The following CDH13 variants were observed in gnomAD, a reference collection of about 807,000 sequenced individuals.
CDH13 encodes cadherin 13, also known as cadherin-13.
Under a neutral mutation model 63.8 loss-of-function variants are expected in CDH13, and 24 were observed. That is an observed-to-expected ratio of 0.38 (90% CI 0.27 to 0.53). The LOEUF (loss-of-function observed/expected upper bound fraction) is 0.53, where lower values mean the gene tolerates loss of function less well. Ranked by LOEUF, CDH13 falls within the 20% of genes least tolerant of loss-of-function variation. The pLI is 0.85. For synonymous variants in CDH13, 503 were observed against 355.3 expected (o/e 1.42, Z -4.67); for missense variants, 1,049 against 903.1 (o/e 1.16, Z -2.07).
At chr16:83,238,868 GTCT>G (rs1244954466) in intron 5 of CDH13, among the ~76,000 whole-genome samples, 1 of 152,186 alleles carries the variant, frequency 6.6e-6, no homozygotes, top group Non-Finnish European at 1.5e-5. Flanking sequence ...GGGCAAGACA[GTCT>G]TCTTCTGTCC....
rs375833426 is a variant in CDH13 at position 83,056,785 on chromosome 16, C to T, written c.366+24567C>T. Among the ~76,000 whole-genome samples, 56 of 151,546 alleles carry T rather than the reference C, an allele frequency of 3.7e-4. No homozygotes were observed. In the East Asian group the frequency reaches 8.2e-3, roughly 22 times the overall value. ...GGGTGGGTTTTTCCCATGCTGTTCTCGTGATAGTGAATAAGTCTCACGAGA... is the reference window on the plus strand; with the variant it reads ...GGGTGGGTTTTTCCCATGCTGTTCTTGTGATAGTGAATAAGTCTCACGAGA... On this transcript the variant is annotated intron_variant, in intron 3 of 13. Coordinates refer to ENST00000567109, the MANE Select transcript of CDH13 (RefSeq NM_001257.5).
chr16:82,916,468 G>C (rs1273329119), intron 2 of CDH13, among the ~76,000 whole-genome samples: 2 of 152,076 alleles, frequency 1.3e-5, no homozygotes, highest in African/African-American at 4.8e-5. Flanking sequence ...TAGCTAGTTG[G>C]GAGGCTGAGG....
intron 6 of CDH13, among the ~76,000 whole-genome samples, chr16:83,386,614 T>A (rs1469303928): frequency 6.6e-6 from 1 of 152,354 alleles, no homozygotes; most frequent in East Asian, 1.9e-4. Context: ...TGAAATGTGC[T>A]ACCCTTGCTA....
intron 3 of CDH13, among the ~76,000 whole-genome samples, chr16:83,050,695 C>G (rs1337588046): frequency 6.6e-6 from 1 of 152,086 alleles, no homozygotes; most frequent in Non-Finnish European, 1.5e-5. Flanking sequence ...ATCGTGTCTA[C>G]AGCGCATCTC....
At chr16:83,448,879 T>A (rs749697348) in intron 6 of CDH13, among the ~76,000 whole-genome samples, 5 of 152,138 alleles carry the variant, frequency 3.3e-5, no homozygotes, top group Non-Finnish European at 5.9e-5. Context: ...CAGGACTTGA[T>A]GATTTGGAGG....
intron 1 of CDH13, among the ~76,000 whole-genome samples, chr16:82,655,923 T>C (rs948091955): frequency 1.3e-5 from 2 of 152,174 alleles, no homozygotes; most frequent in African/African-American, 4.8e-5. Context: ...GCACCTGCTA[T>C]GTGCCAGGAT....
At chr16:82,802,042 A>C (rs944291759) in intron 1 of CDH13, among the ~76,000 whole-genome samples, 3 of 152,162 alleles carry the variant, frequency 2.0e-5, no homozygotes, top group Non-Finnish European at 4.4e-5. Flanking sequence ...GATCTCTGGA[A>C]GACTACATAT....
At chr16:83,500,897 A>G (rs2046625518) in intron 7 of CDH13, among the ~76,000 whole-genome samples, 1 of 152,002 alleles carries the variant, frequency 6.6e-6, no homozygotes, top group Non-Finnish European at 1.5e-5. Context: ...TGGTTTCTAT[A>G]TGAGCCAGTT....
chr16:83,284,361 T>C (rs2089257415), intron 5 of CDH13, among the ~76,000 whole-genome samples: 2 of 152,280 alleles, frequency 1.3e-5, no homozygotes, highest in East Asian at 1.9e-4. Flanking sequence ...AAAATCCTTA[T>C]CTGAAAAATG....
At chr16:83,224,357 G>A (rs1013866449) in intron 5 of CDH13, among the ~76,000 whole-genome samples, 24 of 152,194 alleles carry the variant, frequency 1.6e-4, no homozygotes, top group Admixed American at 1.3e-4. Context: ...CTTTTCCTCT[G>A]TGTAGATACT....
intron 7 of CDH13, among the ~76,000 whole-genome samples, chr16:83,500,456 G>C (rs188922446): frequency 2.8e-4 from 2 of 7,240 alleles, no homozygotes; most frequent in African/African-American, 7.8e-4. Flanking sequence ...CCCCTCCTCC[G>C]CCTCCTCCTC....
chr16:83,211,272 A>G (rs2039330643), intron 4 of CDH13, among the ~76,000 whole-genome samples: 1 of 152,198 alleles, frequency 6.6e-6, no homozygotes, highest in Admixed American at 6.5e-5. Context: ...TTTTTACGTA[A>G]GATGTCAACA....
chr16:83,759,537 A>G (rs894719540), intron 11 of CDH13, among the ~76,000 whole-genome samples: 3 of 151,950 alleles, frequency 2.0e-5, no homozygotes, highest in Non-Finnish European at 2.9e-5. Flanking sequence ...AAAAAAAAAG[A>G]TAGATTACAT....
intron 11 of CDH13, among the ~76,000 whole-genome samples, chr16:83,750,030 G>T (rs1280867292): frequency 6.6e-6 from 1 of 152,192 alleles, no homozygotes; most frequent in Non-Finnish European, 1.5e-5. Flanking sequence ...GGGCACGGTG[G>T]CTCATGCCTG....
intron 6 of CDH13, among the ~76,000 whole-genome samples, chr16:83,483,155 AC>A (rs2073811680): frequency 6.6e-6 from 1 of 152,158 alleles, no homozygotes; most frequent in Non-Finnish European, 1.5e-5. Flanking sequence ...CAGATACGTC[AC>A]CTCAGAGTCG....
At chr16:83,699,637 G>A (rs569956428) in intron 10 of CDH13, among the ~76,000 whole-genome samples, 5 of 152,048 alleles carry the variant, frequency 3.3e-5, no homozygotes, top group South Asian at 2.1e-4. Context: ...GCACACACAC[G>A]TGTATGTGCA....
At chr16:83,108,120 C>A (rs903684042) in intron 3 of CDH13, among the ~76,000 whole-genome samples, 3 of 152,124 alleles carry the variant, frequency 2.0e-5, no homozygotes, top group African/African-American at 7.2e-5. Flanking sequence ...CGCGCCCAGC[C>A]CCTCTTTTTC....
chr16:83,573,062 C>T (rs1175787668), intron 7 of CDH13, among the ~76,000 whole-genome samples: 1 of 152,126 alleles, frequency 6.6e-6, no homozygotes, highest in Non-Finnish European at 1.5e-5. Flanking sequence ...GTAAGAACAT[C>T]ATCTCACACC....
intron 1 of CDH13, among the ~76,000 whole-genome samples, chr16:82,673,007 T>C (rs75841111): frequency 1.2e-4 from 11 of 90,876 alleles, no homozygotes; most frequent in South Asian, 4.2e-4. Flanking sequence ...TTCTTTTTTT[T>C]TTTTTTTTTT....
Sources: gnomAD v4.1 joint callset for allele counts (sites outside exome capture counted in the v4.1 genomes callset) on GRCh38, gnomAD v4.1.1 for gene constraint, MANE v1.5 for transcripts, NCBI Gene and HGNC (gene_info 2026-07-23, HGNC 2026-07-21) for gene names.